Variants in CYP3A5 observed in about 807,000 individuals in gnomAD.
CYP3A5 encodes cytochrome P450 family 3 subfamily A member 5.
In CYP3A5, 51 loss-of-function variants were observed where a neutral mutation model predicts 55.9. The observed-to-expected ratio is 0.91, with a 90% CI of 0.73 to 1.15. CYP3A5 has a LOEUF of 1.15. CYP3A5 is among the 50% of genes most tolerant of loss of function. The pLI, the probability that CYP3A5 is intolerant of heterozygous loss-of-function variation, is 0.00. For synonymous variants in CYP3A5, 196 were observed against 213.9 expected (o/e 0.92, Z 0.73); for missense variants, 533 against 596.6 (o/e 0.89, Z 1.11).
rs1809439672 is a variant in CYP3A5 at position 99,653,928 on chromosome 7, G to C, written c.1027-1149C>G. ...GCTACCTGACTGGAACATGAGACAG[G>C]TGTGGGGAGAGCTGAGTCAGCCTCC... On this transcript the variant is annotated intron_variant, in intron 10 of 12. Transcript: ENST00000222982. The surrounding 1 kb of genome is among the most constrained non-coding windows in gnomAD (Gnocchi z 4.2). 6.6e-6 allele frequency among the ~76,000 whole-genome samples: 1 copy of C among 152,204 alleles called. No homozygotes were observed. The highest frequency in any genetic ancestry group is 1.5e-5 in the Non-Finnish European group (1 of 68,040).
chr7:99,677,096 G>T, intron 1 of CYP3A5: 1 of 827,672 alleles, frequency 1.2e-6, no homozygotes, highest in Non-Finnish European at 1.5e-6. Context: ...AAGTATCTCT[G>T]AGGAAAAACC....
chr7:99,654,866 C>T (rs1048084923), intron 10 of CYP3A5, among the ~76,000 whole-genome samples: 1 of 152,186 alleles, frequency 6.6e-6, no homozygotes, highest in Non-Finnish European at 1.5e-5. Flanking sequence ...TGTCTATTGG[C>T]TGCATAAATG....
intron 3 of CYP3A5, 43 bp downstream of exon 3, chr7:99,674,490 C>A: frequency 6.5e-7 from 1 of 1,529,254 alleles, no homozygotes. Flanking sequence ...GTAACCTCCT[C>A]ACAGTAGCAG....
intron 9 of CYP3A5, among the ~76,000 whole-genome samples, chr7:99,661,729 G>A (rs537634230): frequency 1.3e-5 from 2 of 152,334 alleles, no homozygotes; most frequent in East Asian, 1.9e-4. Context: ...GAATATTTCT[G>A]TATGCTGCTG....
At chr7:99,666,090 T>C (rs1211336117) in intron 6 of CYP3A5, among the ~76,000 whole-genome samples, 1 of 152,190 alleles carries the variant, frequency 6.6e-6, no homozygotes, top group Non-Finnish European at 1.5e-5. Flanking sequence ...ACACATAGCA[T>C]TTCTAGCACC....
rs28365069 is a variant in CYP3A5, at chr7:99,648,403, A to G, written c.1414-3T>C. 3,882 of 1,607,466 alleles carry G rather than the reference A, an allele frequency of 2.4e-3. 88 individuals carry two copies. In the African/African-American group the frequency reaches 0.044, roughly 18 times the overall value. On this transcript the variant is annotated splice_polypyrimidine_tract_variant and splice_region_variant and intron_variant, in intron 12 of 12. Transcript: ENST00000222982. Reference sequence around the variant, plus strand: ...TGCGTGTCTAATTTCAAGGGGATCTACAATAGTTAAACAAGCATATGGAGA... The same window carrying G: ...TGCGTGTCTAATTTCAAGGGGATCTGCAATAGTTAAACAAGCATATGGAGA...
At chr7:99,667,476 T>C (rs1172918819) in intron 4 of CYP3A5, among the ~76,000 whole-genome samples, 1 of 152,200 alleles carries the variant, frequency 6.6e-6, no homozygotes, top group Non-Finnish European at 1.5e-5. Flanking sequence ...TTAATACACC[T>C]ACAGCATGGG....
intron 4 of CYP3A5, among the ~76,000 whole-genome samples, chr7:99,669,543 G>T (rs1164305305): frequency 6.6e-6 from 1 of 152,152 alleles, no homozygotes; most frequent in Non-Finnish European, 1.5e-5. Flanking sequence ...AAATCAGTTT[G>T]TCTCACCAGA....
chr7:99,655,595 G>A (rs1350275749), intron 10 of CYP3A5, among the ~76,000 whole-genome samples: 1 of 152,196 alleles, frequency 6.6e-6, no homozygotes, highest in African/African-American at 2.4e-5. Context: ...CTTTAAAGTA[G>A]TTTTTTCCAG....
chr7:99,652,286 A>G (rs1809269482), intron 11 of CYP3A5: 1 of 219,314 alleles, frequency 4.6e-6, no homozygotes, highest in Non-Finnish European at 9.0e-6. Flanking sequence ...ATACCATTCT[A>G]ATTTTTAAAA....
chr7:99,669,935 GA>G (rs752697361), intron 4 of CYP3A5, among the ~76,000 whole-genome samples: 2 of 152,142 alleles, frequency 1.3e-5, no homozygotes, highest in Non-Finnish European at 2.9e-5. Context: ...CACATTTGAT[GA>G]AGTATTATTG....
chr7:99,648,451 G>T, intron 12 of CYP3A5, 51 bp from the exon 13 acceptor site: 2 of 1,168,778 alleles, frequency 1.7e-6, no homozygotes, highest in Admixed American at 2.2e-5. Context: ...AGTGAAAGAA[G>T]AAAAGATGGA....
At chr7:99,672,994 C>T (rs914780902) in intron 3 of CYP3A5, 87 of 664,882 alleles carry the variant, frequency 1.3e-4, no homozygotes, top group Non-Finnish European at 1.5e-4. Context: ...GTGGTACATA[C>T]GTGGGTATCT....
chr7:99,655,137 A>G (rs867321298), intron 10 of CYP3A5, among the ~76,000 whole-genome samples: 6 of 152,116 alleles, frequency 3.9e-5, no homozygotes, highest in Non-Finnish European at 4.4e-5. Context: ...GGTGTTTTAG[A>G]CATGAAGTCC....
intron 9 of CYP3A5, 145 bp from the exon 10 acceptor site, chr7:99,660,804 G>GAT (rs1445589664): frequency 2.1e-6 from 2 of 951,330 alleles, no homozygotes; most frequent in Admixed American, 5.3e-5. Context: ...TTTTCATTCT[G>GAT]ATATGTATCT....
chr7:99,666,732 C>G, intron 5 of CYP3A5, 43 bp from the exon 6 acceptor site: 1 of 1,613,702 alleles, frequency 6.2e-7, no homozygotes, highest in Non-Finnish European at 8.5e-7. Context: ...AATGTGCAGA[C>G]TCAAGTCCCA....
rs568107671 is a variant in CYP3A5 at position 99,665,257 on chromosome 7, G to A, written c.579C>T (p.Ile193=). ...GGTCTTGTGGATTGTTGAGAGAGTC[G>A]ATGTTCACTCCAAATGATGTGCCAG... is the stretch of plus-strand genomic sequence containing the variant. The part of the protein sequence containing the change: ...VITGTSFGVN[I]DSLNNPQDPF... Residue 193 remains isoleucine (I), a synonymous_variant, in exon 7 of 13, where the codon ATC becomes ATT. Coordinates refer to ENST00000222982, the MANE Select transcript of CYP3A5 (RefSeq NM_000777.5). 8.7e-6 allele frequency: 14 copies of A among 1,614,116 alleles called. No homozygotes were observed. In the East Asian group the frequency reaches 1.1e-4, roughly 13 times the overall value.
chr7:99,660,574 A>G lies in CYP3A5; in HGVS notation c.951T>C (p.Thr317=). 2 of 1,614,028 alleles carry G rather than the reference A, an allele frequency of 1.2e-6. No homozygotes were observed. The highest frequency in any genetic ancestry group is 1.7e-6 in the Non-Finnish European group (2 of 1,179,992). The change falls in exon 10 of 13, where the codon ACT becomes ACC. Residue 317 remains threonine, a synonymous_variant. Coordinates refer to ENST00000222982, the MANE Select transcript of CYP3A5 (RefSeq NM_000777.5). ...CAGGGTGAGTGGCCAGTTCATATAA[A>G]GTGAAGGAAAGAACACTGCTGGTGG... ...YETTSSVLSF[T]LYELATHPDV... is the part of the protein sequence containing the mutation.
intron 11 of CYP3A5, among the ~76,000 whole-genome samples, chr7:99,650,713 C>T (rs906653649): frequency 6.6e-6 from 1 of 152,064 alleles, no homozygotes; most frequent in African/African-American, 2.4e-5. Context: ...TTCCCCTCCT[C>T]CTCCTCTCTA....
Sources: gnomAD v4.1 joint callset for allele counts (sites outside exome capture counted in the v4.1 genomes callset) on GRCh38, gnomAD v4.1.1 for gene constraint, Gnocchi (gnomAD v3.1) non-coding constraint, MANE v1.5 for transcripts, NCBI Gene and HGNC (gene_info 2026-07-23, HGNC 2026-07-21) for gene names.